Variants in NCMAP observed in about 807,000 individuals in gnomAD.
The protein encoded by NCMAP is noncompact myelin-associated protein.
NCMAP carries 8 observed loss-of-function variants against 7.8 expected under a neutral mutation model. The ratio of observed to expected loss-of-function variants is 1.02; its 90% CI spans 0.60 to 1.84. The LOEUF is 1.84. NCMAP is among the 40% of genes most tolerant of loss of function. The pLI, the probability that NCMAP is intolerant of heterozygous loss-of-function variation, is 0.00. For missense variants in NCMAP, 112 were observed against 131.4 expected (o/e 0.85, Z 0.72); for synonymous variants, 41 against 52.9 (o/e 0.78, Z 0.98).
At chr1:24,595,011 G>A (rs1202907085) in intron 1 of NCMAP, among the ~76,000 whole-genome samples, 3 of 147,440 alleles carry the variant, frequency 2.0e-5, no homozygotes, top group Non-Finnish European at 3.0e-5. Flanking sequence ...TCACTGCAGC[G>A]TGGAGAAAAG....
At chr1:24,571,557 A>G (rs1651389293) in intron 1 of NCMAP, among the ~76,000 whole-genome samples, 1 of 150,632 alleles carries the variant, frequency 6.6e-6, no homozygotes, top group South Asian at 2.1e-4. Context: ...ACATTTCCAC[A>G]TGTAGTCAAT....
intron 3 of NCMAP, 123 bp downstream of exon 3, chr1:24,601,147 C>A: frequency 1.3e-6 from 1 of 743,808 alleles, no homozygotes. Context: ...TTAGTAAATG[C>A]TCTAACCCTT....
rs76720856 is a variant in NCMAP, at chr1:24,606,058, T to G, written c.*311T>G. 3.5e-5 allele frequency: 10 copies of G among 288,850 alleles called. No individual in the cohort carries two copies. In the East Asian group the frequency reaches 6.4e-4, roughly 18 times the overall value. 17.9% of individuals were successfully genotyped at this position (288,850 alleles called of 1,614,324 possible). A position where few individuals can be genotyped will look rare whatever the true frequency, so the allele number is the denominator to read the frequency against. ...TTCCCCCACACTGTAGTTAGACAGA[T>G]AGACAGATAGCCCAGGAGCCAGGTG... On this transcript the variant is annotated 3_prime_UTR_variant, in exon 4 of 4. Coordinates refer to ENST00000374392, the MANE Select transcript of NCMAP (RefSeq NM_001010980.5).
At chr1:24,587,538 G>T (rs1331173732) in intron 1 of NCMAP, among the ~76,000 whole-genome samples, 1 of 151,904 alleles carries the variant, frequency 6.6e-6, no homozygotes, top group Non-Finnish European at 1.5e-5. Context: ...TTTTTTTACA[G>T]GGACTCACTC....
chr1:24,561,251 G>A (rs1651041709), intron 1 of NCMAP, among the ~76,000 whole-genome samples: 1 of 151,868 alleles, frequency 6.6e-6, no homozygotes, highest in Non-Finnish European at 1.5e-5. Context: ...GAAGGCTGAG[G>A]CAGGAGAATC....
At chr1:24,587,064 T>C (rs190429784) in intron 1 of NCMAP, among the ~76,000 whole-genome samples, 9 of 152,270 alleles carry the variant, frequency 5.9e-5, no homozygotes, top group African/African-American at 2.2e-4. Context: ...GTGAAGAAAG[T>C]TGGCCAAGGT....
chr1:24,599,973 A>T (rs1652419701), intron 2 of NCMAP, among the ~76,000 whole-genome samples: 1 of 150,348 alleles, frequency 6.7e-6, no homozygotes, highest in Non-Finnish European at 1.5e-5. Flanking sequence ...ATAAGTATTA[A>T]ATTATTTAAA....
At chr1:24,597,661 AAGAAAG>A (rs1403350191) in intron 2 of NCMAP, among the ~76,000 whole-genome samples, 2 of 142,558 alleles carry the variant, frequency 1.4e-5, no homozygotes, top group African/African-American at 5.1e-5. Flanking sequence ...GAAAGAAAGA[AAGAAAG>A]AAAGAAAAGA....
intron 1 of NCMAP, among the ~76,000 whole-genome samples, chr1:24,560,749 A>G (rs1651026456): frequency 2.9e-5 from 4 of 136,362 alleles, no homozygotes; most frequent in Admixed American, 2.8e-4. Context: ...ATCTCATAGA[A>G]AAAAAAAAAA....
intron 1 of NCMAP, among the ~76,000 whole-genome samples, chr1:24,583,419 G>C (rs1430392728): frequency 2.6e-5 from 4 of 152,132 alleles, no homozygotes; most frequent in East Asian, 1.9e-4. Flanking sequence ...AGAAAGAAAA[G>C]TGAGCAGAGA....
intron 3 of NCMAP, among the ~76,000 whole-genome samples, chr1:24,604,188 CT>C (rs11293231): frequency 0.054 from 8,212 of 152,176 alleles, 757 homozygotes; most frequent in African/African-American, 0.19. Flanking sequence ...CCAATGCAGG[CT>C]TTTTTGGGGG....
In NCMAP at chr1:24,602,591, A is replaced by AAAG. The variant is rs1570542481; in HGVS notation, c.167+1568_167+1569insAGA. Among the ~76,000 whole-genome samples, 3 of 149,840 alleles carry AAAG rather than the reference A, an allele frequency of 2.0e-5. No individual in the cohort carries two copies. The East Asian group carries it at 5.9e-4, about 29-fold the overall frequency. Reference sequence around the variant, plus strand: ...TCTCAAAAAAAAAAAAAAAAAAAAAAAGAATATGAATATTATTTATAAAGG... The same window carrying AAAG: ...TCTCAAAAAAAAAAAAAAAAAAAAAAAAGAGAATATGAATATTATTTATAAAGG... On this transcript the variant is annotated intron_variant, in intron 3 of 3. Coordinates refer to ENST00000374392, the MANE Select transcript of NCMAP (RefSeq NM_001010980.5).
Position 24,609,236 on chromosome 1 carries a change from C to G in NCMAP, c.*3489C>G, listed in dbSNP as rs1176060498. ...ATTTTGTTTCTGATGAGGTGCCTTT[C>G]TTAGCAGATGCTGCCTTATTTGGCC... On this transcript the variant is annotated 3_prime_UTR_variant, in exon 4 of 4. Coordinates refer to ENST00000374392, the MANE Select transcript of NCMAP (RefSeq NM_001010980.5). 1 of 152,184 alleles carries G rather than the reference C, an allele frequency of 6.6e-6. No homozygotes were observed. Among genetic ancestry groups the G allele is most frequent in the Non-Finnish European group, 1.5e-5 (1 of 68,020 alleles). The allele number at this position is 152,184 out of a possible 1,614,324, so 9.4% of individuals were successfully genotyped here.
chr1:24,567,459 C>T (rs1428181330), intron 1 of NCMAP, among the ~76,000 whole-genome samples: 2 of 152,046 alleles, frequency 1.3e-5, no homozygotes, highest in African/African-American at 4.8e-5. Flanking sequence ...CCACTAGGGC[C>T]CAGGCATTCT....
intron 1 of NCMAP, among the ~76,000 whole-genome samples, chr1:24,565,412 C>T (rs1218046117): frequency 1.3e-5 from 2 of 150,426 alleles, no homozygotes; most frequent in African/African-American, 4.9e-5. Flanking sequence ...CACTTGTTCT[C>T]TTTTCAACAA....
intron 1 of NCMAP, among the ~76,000 whole-genome samples, chr1:24,571,259 G>A (rs529433621): frequency 2.7e-5 from 4 of 150,624 alleles, no homozygotes; most frequent in Non-Finnish European, 4.4e-5. Context: ...GGCGGATCAC[G>A]GGGTCAGGAG....
At chr1:24,586,281 C>T (rs190889626) in intron 1 of NCMAP, among the ~76,000 whole-genome samples, 3 of 152,206 alleles carry the variant, frequency 2.0e-5, no homozygotes, top group East Asian at 1.9e-4. Flanking sequence ...CCAGGAGGAG[C>T]GGAAATGTCT....
chr1:24,588,385 A>C (rs945511346), intron 1 of NCMAP, among the ~76,000 whole-genome samples: 1 of 152,134 alleles, frequency 6.6e-6, no homozygotes, highest in African/African-American at 2.4e-5. Flanking sequence ...ATCAATCCCA[A>C]TGTTTTGGTG....
chr1:24,585,461 G>A (rs1289705666), intron 1 of NCMAP, among the ~76,000 whole-genome samples: 1 of 152,078 alleles, frequency 6.6e-6, no homozygotes. Flanking sequence ...CACATCCCCT[G>A]AGTCCATATC....
Sources: allele counts gnomAD v4.1 joint callset (sites outside exome capture counted in the v4.1 genomes callset), GRCh38; gene constraint gnomAD v4.1.1; transcripts MANE v1.5; gene names NCBI Gene and HGNC (gene_info 2026-07-23, HGNC 2026-07-21).